The following VPS35L variants were observed in gnomAD, a reference collection of about 807,000 sequenced individuals.
The protein encoded by VPS35L is VPS35 endosomal protein-sorting factor-like.
In VPS35L, 83 loss-of-function variants were observed where a neutral mutation model predicts 133.0. The observed-to-expected ratio is 0.62, with a 90% confidence interval of 0.52 to 0.75. The LOEUF is 0.75. Ranked by LOEUF, VPS35L falls within the 30% of genes least tolerant of loss-of-function variation. VPS35L has a pLI of 0.00. For synonymous variants in VPS35L, 423 were observed against 449.9 expected, an observed-to-expected ratio of 0.94 and a Z score of 0.76; for missense variants, 1,083 against 1,206.8, an observed-to-expected ratio of 0.90 and a Z score of 1.52.
At chr16:19,610,501 C>T in intron 12 of VPS35L, 86 bp downstream of exon 12, 1 of 959,142 alleles carries the variant, frequency 1.0e-6, no homozygotes, top group African/African-American at 1.6e-5. Flanking sequence ...TCCCCACCAC[C>T]CCGCAAGTCA....
chr16:19,621,659 G>C (rs540806964), intron 14 of VPS35L, among the ~76,000 whole-genome samples: 1 of 152,324 alleles, frequency 6.6e-6, no homozygotes, highest in South Asian at 2.1e-4. Context: ...TCTTGCCAAA[G>C]ATAATCAATT....
At chr16:19,688,490 C>G (rs763662797) in intron 28 of VPS35L, among the ~76,000 whole-genome samples, 1 of 152,210 alleles carries the variant, frequency 6.6e-6, no homozygotes, top group Non-Finnish European at 1.5e-5. Context: ...TGTACACAAC[C>G]ACACCCCGAG....
intron 7 of VPS35L, chr16:19,581,925 C>A: frequency 2.2e-6 from 1 of 459,016 alleles, no homozygotes; most frequent in South Asian, 2.9e-5. Context: ...GATGATACCC[C>A]ATGTGTTGTG....
intron 23 of VPS35L, among the ~76,000 whole-genome samples, chr16:19,646,159 G>T (rs181375825): frequency 2.6e-5 from 4 of 152,114 alleles, no homozygotes; most frequent in African/African-American, 9.7e-5. Flanking sequence ...TGGCACTGGC[G>T]TGGCACGATT....
At chr16:19,567,666 A>G (rs944620908) in intron 2 of VPS35L, among the ~76,000 whole-genome samples, 1 of 152,052 alleles carries the variant, frequency 6.6e-6, no homozygotes, top group Admixed American at 6.6e-5. Flanking sequence ...TTTGAGGGCA[A>G]GGTCCTCAGT....
intron 14 of VPS35L, among the ~76,000 whole-genome samples, chr16:19,621,132 T>G (rs1401035720): frequency 6.6e-6 from 1 of 152,088 alleles, no homozygotes. Context: ...GCCATCTAGA[T>G]TCTCCATTAA....
At chr16:19,615,776 G>A (rs895439919) in intron 12 of VPS35L, among the ~76,000 whole-genome samples, 3 of 151,644 alleles carry the variant, frequency 2.0e-5, no homozygotes, top group Non-Finnish European at 4.4e-5. Flanking sequence ...AGACCATCCT[G>A]GCCAATGTGG....
intron 27 of VPS35L, among the ~76,000 whole-genome samples, chr16:19,671,960 TCA>T (rs1974891867): frequency 6.6e-6 from 1 of 152,180 alleles, no homozygotes; most frequent in Admixed American, 6.5e-5. Context: ...TGAAATAGGC[TCA>T]CAAATCAGCA....
At position 19,569,611 on chromosome 16, in the gene VPS35L, G is replaced by T; in HGVS notation, c.285+20G>T. On this transcript the variant is annotated intron_variant, in intron 3 of 30. Transcript: ENST00000417362. ...GCCATGGTAATGCACCCCAGCCATG[G>T]TCGTCCAGTGGGGGTTGGTTTTGTG... 6.6e-7 allele frequency: 1 copy of T among 1,516,560 alleles called. No individual in the cohort carries two copies. The highest frequency in any genetic ancestry group is 8.8e-7 in the Non-Finnish European group (1 of 1,133,736). 93.9% of individuals were successfully genotyped at this position (1,516,560 alleles called of 1,614,324 possible).
intron 2 of VPS35L, 109 bp downstream of exon 2, chr16:19,565,059 GA>G (rs1971145571): frequency 1.4e-6 from 1 of 728,982 alleles, no homozygotes. Context: ...TTGCATATTT[GA>G]TTTTTTTTTT....
chr16:19,608,451 C>T, intron 10 of VPS35L, 177 bp downstream of exon 10: 1 of 549,954 alleles, frequency 1.8e-6, no homozygotes, highest in Non-Finnish European at 3.2e-6. Flanking sequence ...CCCTTGGACT[C>T]TTGCTCTTTC....
chr16:19,696,634 C>A (rs201091868), intron 29 of VPS35L, among the ~76,000 whole-genome samples: 1 of 151,708 alleles, frequency 6.6e-6, no homozygotes, highest in African/African-American at 2.4e-5. Flanking sequence ...TCCCAAGCTA[C>A]GTGTTTGTAT....
At chr16:19,616,255 C>G in intron 13 of VPS35L, 64 bp downstream of exon 13, 1 of 1,449,026 alleles carries the variant, frequency 6.9e-7, no homozygotes, top group Non-Finnish European at 9.7e-7. Flanking sequence ...ATTCACAAAA[C>G]CCAGTTGGTT....
At chr16:19,595,289 G>A (rs1276439725) in intron 8 of VPS35L, among the ~76,000 whole-genome samples, 2 of 152,166 alleles carry the variant, frequency 1.3e-5, no homozygotes, top group South Asian at 4.1e-4. Context: ...AGCACTTGCG[G>A]TGAGAGGCAG....
rs116807193 is a variant in VPS35L, at chr16:19,560,399, G to A, written c.18-4452G>A. On this transcript the variant is annotated intron_variant, in intron 1 of 30. Coordinates refer to ENST00000417362, the MANE Select transcript of VPS35L (RefSeq NM_020314.7). The stretch of plus-strand genomic sequence containing the variant: ...GTTGATTGTTAGTAATTCCAATAGG[G>A]ACAGAAAACACATTTGGAACAGACT... 5.9e-3 allele frequency among the ~76,000 whole-genome samples: 896 copies of A among 152,280 alleles called. 2 individuals carry two copies. Among genetic ancestry groups the A allele is most frequent in the Non-Finnish European group, 1.0e-2 (678 of 68,020 alleles).
intron 26 of VPS35L, among the ~76,000 whole-genome samples, chr16:19,665,185 A>G (rs1364173896): frequency 6.6e-6 from 1 of 152,206 alleles, no homozygotes; most frequent in Non-Finnish European, 1.5e-5. Context: ...CAAACAATTC[A>G]GTTATATTCT....
chr16:19,643,863 C>T (rs1597389009), intron 22 of VPS35L, among the ~76,000 whole-genome samples: 1 of 151,950 alleles, frequency 6.6e-6, no homozygotes, highest in South Asian at 2.1e-4. Flanking sequence ...GAGGCTGAGG[C>T]AGGAGAATCG....
At chr16:19,614,323 C>T (rs745735086) in intron 12 of VPS35L, among the ~76,000 whole-genome samples, 2 of 152,142 alleles carry the variant, frequency 1.3e-5, no homozygotes, top group African/African-American at 4.8e-5. Flanking sequence ...AATTTAACAC[C>T]CTGGTGGTTC....
intron 15 of VPS35L, 104 bp downstream of exon 15, chr16:19,626,327 G>A (rs1018657240): frequency 4.0e-5 from 34 of 845,890 alleles, no homozygotes; most frequent in Non-Finnish European, 6.6e-5. Flanking sequence ...GAGAGAGGCA[G>A]GACTGCATGG....
Sources: allele counts gnomAD v4.1 joint callset (sites outside exome capture counted in the v4.1 genomes callset), GRCh38; gene constraint gnomAD v4.1.1; transcripts MANE v1.5; gene names NCBI Gene and HGNC (gene_info 2026-07-23, HGNC 2026-07-21).